The following LYPLAL1 variants were observed in gnomAD, a reference collection of about 807,000 sequenced individuals.
LYPLAL1 encodes the protein lysophospholipase like 1.
In LYPLAL1, 23 loss-of-function variants were observed where a neutral mutation model predicts 19.7. The ratio of observed to expected loss-of-function variants is 1.17; its 90% CI spans 0.84 to 1.65. LYPLAL1 has a LOEUF of 1.65. Ranked by LOEUF, LYPLAL1 falls within the 40% of genes most tolerant of loss-of-function variation. The pLI is 0.00. For missense variants in LYPLAL1, 355 were observed against 279.4 expected, an observed-to-expected ratio of 1.27 and a Z score of -1.93; for synonymous variants, 119 against 96.3, an observed-to-expected ratio of 1.24 and a Z score of -1.38.
chr1:219,305,183 T>C, the LYPLAL1 span, among the ~76,000 whole-genome samples: 4 of 151,978 alleles, frequency 2.6e-5, no homozygotes, highest in African/African-American at 4.8e-5. Flanking sequence ...AGATGAAAGG[T>C]ACAAGCCTTA....
At chr1:219,327,446 T>C in the LYPLAL1 span, among the ~76,000 whole-genome samples, 4 of 152,096 alleles carry the variant, frequency 2.6e-5, no homozygotes, top group African/African-American at 9.7e-5. Context: ...ATGAAGCACA[T>C]GAAGATGGGG....
At chr1:219,401,807 C>G in the LYPLAL1 span, among the ~76,000 whole-genome samples, 4 of 152,076 alleles carry the variant, frequency 2.6e-5, no homozygotes, top group African/African-American at 9.7e-5. Context: ...AGGATATATG[C>G]TTTAATTTGG....
At chr1:219,369,933 A>C in the LYPLAL1 span, among the ~76,000 whole-genome samples, 96 of 152,196 alleles carry the variant, frequency 6.3e-4, no homozygotes, top group Non-Finnish European at 1.1e-3. Flanking sequence ...ATCACCTTTG[A>C]GTTTGTCCTT....
At chr1:219,320,454 A>G in the LYPLAL1 span, among the ~76,000 whole-genome samples, 1 of 152,106 alleles carries the variant, frequency 6.6e-6, no homozygotes, top group South Asian at 2.1e-4. Context: ...TAATTTTATT[A>G]TTATACTTTA....
At chr1:219,302,294 AGAG>A in the LYPLAL1 span, among the ~76,000 whole-genome samples, 1 of 152,168 alleles carries the variant, frequency 6.6e-6, no homozygotes, top group Non-Finnish European at 1.5e-5. Context: ...GTATTTTCCA[AGAG>A]TCACTCTTCT....
At chr1:219,259,791 A>G in the LYPLAL1 span, among the ~76,000 whole-genome samples, 1 of 151,610 alleles carries the variant, frequency 6.6e-6, no homozygotes. Context: ...AAATAAAAAA[A>G]TATATAAATA....
chr1:219,269,251 G>A, the LYPLAL1 span, among the ~76,000 whole-genome samples: 2 of 152,174 alleles, frequency 1.3e-5, no homozygotes, highest in East Asian at 3.8e-4. Context: ...AGGGAAGCAT[G>A]TGTTAGCTAA....
rs1236246305 is a variant in LYPLAL1, at chr1:219,193,000, CTA to C, written c.192-80_192-79del. 4 of 1,317,018 alleles carry C rather than the reference CTA, an allele frequency of 3.0e-6. No individual in the cohort carries two copies. In the South Asian group the frequency reaches 4.6e-5, roughly 15 times the overall value. 81.6% of individuals were successfully genotyped at this position (1,317,018 alleles called of 1,614,324 possible). ...AAATTGAAATCATTTATTCAAAACA[CTA>C]TTATTTTGGTAATTAAAGCATCCAT... On this transcript the variant is annotated intron_variant, in intron 2 of 4. Coordinates refer to ENST00000366928, the MANE Select transcript of LYPLAL1 (RefSeq NM_138794.5).
chr1:219,276,723 T>G, the LYPLAL1 span, among the ~76,000 whole-genome samples: 1 of 152,220 alleles, frequency 6.6e-6, no homozygotes, highest in Non-Finnish European at 1.5e-5. Context: ...AAATTCAGTT[T>G]GGCCCCATTT....
At chr1:219,226,602 AAG>A in the LYPLAL1 span, among the ~76,000 whole-genome samples, 1 of 152,144 alleles carries the variant, frequency 6.6e-6, no homozygotes, top group African/African-American at 2.4e-5. Context: ...AAAAAAAAAA[AAG>A]GTGAATACTC....
chr1:219,190,740 G>A (rs1249055089), intron 2 of LYPLAL1, among the ~76,000 whole-genome samples: 2 of 148,130 alleles, frequency 1.4e-5, no homozygotes, highest in Non-Finnish European at 3.0e-5. Context: ...AATAGACAAA[G>A]TACTCTTTTA....
chr1:219,178,467 A>C (rs1281915070), intron 1 of LYPLAL1, among the ~76,000 whole-genome samples: 2 of 152,208 alleles, frequency 1.3e-5, no homozygotes, highest in African/African-American at 4.8e-5. Context: ...TAATTGATTA[A>C]AAAATTAAAG....
At chr1:219,241,021 A>T in the LYPLAL1 span, among the ~76,000 whole-genome samples, 1 of 150,270 alleles carries the variant, frequency 6.7e-6, no homozygotes, top group Non-Finnish European at 1.5e-5. Context: ...TGATCATGCC[A>T]CTGCACTCCA....
At chr1:219,375,987 CGCCTCG>C in the LYPLAL1 span, among the ~76,000 whole-genome samples, 2 of 152,056 alleles carry the variant, frequency 1.3e-5, no homozygotes, top group Non-Finnish European at 2.9e-5. Flanking sequence ...ATGATTCACC[CGCCTCG>C]GCCTCCCAAA....
intron 2 of LYPLAL1, among the ~76,000 whole-genome samples, chr1:219,180,212 T>C (rs1338310170): frequency 6.6e-6 from 1 of 152,194 alleles, no homozygotes; most frequent in African/African-American, 2.4e-5. Context: ...CTGGAACTGT[T>C]GACCTGAGGT....
At chr1:219,334,958 C>T in the LYPLAL1 span, among the ~76,000 whole-genome samples, 2 of 151,810 alleles carry the variant, frequency 1.3e-5, no homozygotes, top group Non-Finnish European at 2.9e-5. Flanking sequence ...TTTTACCATG[C>T]TTGTTTGTGC....
At chr1:219,433,827 G>A in the LYPLAL1 span, among the ~76,000 whole-genome samples, 3 of 152,178 alleles carry the variant, frequency 2.0e-5, no homozygotes, top group Non-Finnish European at 4.4e-5. Context: ...TAGTTCAACT[G>A]GTTTTTGTTA....
the LYPLAL1 span, among the ~76,000 whole-genome samples, chr1:219,232,714 T>C: frequency 2.6e-5 from 4 of 152,070 alleles, no homozygotes; most frequent in Non-Finnish European, 4.4e-5. Flanking sequence ...AGTTAAACAA[T>C]TGGCAAAGGA....
intron 3 of LYPLAL1, among the ~76,000 whole-genome samples, chr1:219,194,842 T>A (rs1188317885): frequency 1.3e-5 from 2 of 152,048 alleles, no homozygotes; most frequent in East Asian, 3.9e-4. Context: ...ACTATTACAG[T>A]GTAGAAGTCT....
Sources: gnomAD v4.1 joint callset for allele counts (sites outside exome capture counted in the v4.1 genomes callset) on GRCh38, gnomAD v4.1.1 for gene constraint, MANE v1.5 for transcripts, NCBI Gene and HGNC (gene_info 2026-07-23, HGNC 2026-07-21) for gene names.